PPP3CA: variants seen among roughly 807,000 people sequenced by gnomAD.
PPP3CA encodes protein phosphatase 3 catalytic subunit alpha, also known as CAM-PRP catalytic subunit.
In PPP3CA, 14 loss-of-function variants were observed where a neutral mutation model predicts 66.5. The observed-to-expected ratio is 0.21, with a 90% CI of 0.14 to 0.33. The LOEUF is 0.33. Ranked by LOEUF, PPP3CA falls within the 10% of genes least tolerant of loss-of-function variation. PPP3CA has a pLI of 1.00. For missense variants in PPP3CA, 317 were observed against 639.5 expected (o/e 0.50, Z 5.44); for synonymous variants, 232 against 226.2 (o/e 1.03, Z -0.23).
At chr4:101,174,576 G>C (rs530168019) in intron 2 of PPP3CA, among the ~76,000 whole-genome samples, 1 of 152,214 alleles carries the variant, frequency 6.6e-6, no homozygotes, top group South Asian at 2.1e-4. Context: ...ACAATATAAA[G>C]AATATGTGTG....
In PPP3CA at chr4:101,124,693, G is replaced by GAAAGAA. The variant is rs1553926638; in HGVS notation, c.260-15621_260-15616dup. Among the ~76,000 whole-genome samples the GAAAGAA allele has an allele frequency of 2.6e-4, 23 of 88,362 alleles. 1 individual carries two copies. Among genetic ancestry groups the GAAAGAA allele is most frequent in the African/African-American group, 8.9e-4 (18 of 20,238 alleles). 58.0% of individuals were successfully genotyped at this position (88,362 alleles called of 152,430 possible). ...AGAAAGAAAGAAAGAAAGAAAGAAA[G>GAAAGAA]AAAGAAAGAAAGAAAGAAAGAAAGA... On this transcript the variant is annotated intron_variant, in intron 2 of 13. Coordinates refer to ENST00000394854, the MANE Select transcript of PPP3CA (RefSeq NM_000944.5).
intron 9 of PPP3CA, among the ~76,000 whole-genome samples, chr4:101,062,104 A>C (rs1255346920): frequency 6.6e-6 from 1 of 152,018 alleles, no homozygotes; most frequent in African/African-American, 2.4e-5. Flanking sequence ...CCCAAATTTT[A>C]ATAATTAATA....
At chr4:101,219,447 A>T (rs879386663) in intron 1 of PPP3CA, among the ~76,000 whole-genome samples, 1 of 151,954 alleles carries the variant, frequency 6.6e-6, no homozygotes, top group Non-Finnish European at 1.5e-5. Context: ...GACAGAAGAG[A>T]ATTAATCTCT....
chr4:101,089,421 G>C (rs912070919), intron 6 of PPP3CA, among the ~76,000 whole-genome samples: 3 of 152,302 alleles, frequency 2.0e-5, no homozygotes, highest in African/African-American at 7.2e-5. Flanking sequence ...GCTGATTTGT[G>C]ATTAAGGGAC....
intron 1 of PPP3CA, among the ~76,000 whole-genome samples, chr4:101,204,870 T>C (rs995456690): frequency 6.6e-6 from 1 of 151,368 alleles, no homozygotes. Context: ...AATTGAAGAA[T>C]TGTTGTTTTA....
chr4:101,134,017 T>C (rs573463393), intron 2 of PPP3CA, among the ~76,000 whole-genome samples: 1 of 152,300 alleles, frequency 6.6e-6, no homozygotes, highest in East Asian at 1.9e-4. Context: ...ATTTAAATAA[T>C]GGTGTTGGGA....
chr4:101,193,000 T>C (rs1724658502), intron 2 of PPP3CA, among the ~76,000 whole-genome samples: 1 of 152,216 alleles, frequency 6.6e-6, no homozygotes, highest in East Asian at 1.9e-4. Context: ...GAAATACTCA[T>C]TTAGAAGATA....
intron 1 of PPP3CA, among the ~76,000 whole-genome samples, chr4:101,341,202 C>A (rs201479918): frequency 0.014 from 678 of 48,434 alleles, 4 homozygotes; most frequent in African/African-American, 0.075. Flanking sequence ...TTCTTTTTTT[C>A]TTTTTCTTTT....
At chr4:101,305,979 T>A (rs1459250883) in intron 1 of PPP3CA, among the ~76,000 whole-genome samples, 1 of 146,848 alleles carries the variant, frequency 6.8e-6, no homozygotes, top group Non-Finnish European at 1.5e-5. Flanking sequence ...AAGTAGGAGA[T>A]TTTTTTTTTT....
At chr4:101,275,338 T>C (rs1176550202) in intron 1 of PPP3CA, among the ~76,000 whole-genome samples, 3 of 152,236 alleles carry the variant, frequency 2.0e-5, no homozygotes, top group East Asian at 3.8e-4. Context: ...GGTAAGCACC[T>C]TTCCTATGTA....
chr4:101,089,840 C>T (rs1464344518), intron 6 of PPP3CA, among the ~76,000 whole-genome samples: 1 of 152,142 alleles, frequency 6.6e-6, no homozygotes, highest in Non-Finnish European at 1.5e-5. Context: ...TGGATTCTTT[C>T]CTCTCTGTCA....
chr4:101,102,822 A>G (rs1371886003), intron 3 of PPP3CA, among the ~76,000 whole-genome samples: 2 of 152,192 alleles, frequency 1.3e-5, no homozygotes, highest in Non-Finnish European at 2.9e-5. Context: ...CAGTGAATTA[A>G]TTGGTTAAGG....
intron 2 of PPP3CA, among the ~76,000 whole-genome samples, chr4:101,161,722 A>C (rs1723514983): frequency 6.6e-6 from 1 of 152,172 alleles, no homozygotes; most frequent in Non-Finnish European, 1.5e-5. Context: ...TAAAGTTGCA[A>C]ATTTCAGAAG....
chr4:101,169,272 C>A (rs1723792333), intron 2 of PPP3CA, among the ~76,000 whole-genome samples: 1 of 152,158 alleles, frequency 6.6e-6, no homozygotes, highest in Non-Finnish European at 1.5e-5. Context: ...AAGTGAAATT[C>A]ATCACTTTTA....
chr4:101,207,663 C>T (rs1725175551), intron 1 of PPP3CA, among the ~76,000 whole-genome samples: 1 of 152,028 alleles, frequency 6.6e-6, no homozygotes, highest in Non-Finnish European at 1.5e-5. Context: ...CCCGTCTCTA[C>T]CAAAAATACA....
In PPP3CA at chr4:101,083,406, G is replaced by C. The variant is rs1729525708; in HGVS notation, c.783-143C>G. The C allele has an allele frequency of 5.6e-6, 4 of 719,562 alleles. No individual in the cohort carries two copies. The South Asian group carries it at 8.2e-5, about 15-fold the overall frequency. The allele number at this position is 719,562 out of a possible 1,614,324, so 44.6% of individuals were successfully genotyped here. On this transcript the variant is annotated intron_variant, in intron 6 of 13. Coordinates refer to ENST00000394854, the MANE Select transcript of PPP3CA (RefSeq NM_000944.5). ...CATGAAACAAGCCTCTTGACTCTAA[G>C]GCCAAGTTTATCCTTGTGGCAGAAA...
chr4:101,032,405 T>G (rs368613934), intron 11 of PPP3CA, 41 bp from the exon 12 acceptor site: 8 of 1,525,978 alleles, frequency 5.2e-6, no homozygotes, highest in Non-Finnish European at 7.2e-6. Flanking sequence ...TTTTAATTTC[T>G]TTTGTGAAAA....
At chr4:101,239,203 C>G (rs1726222810) in intron 1 of PPP3CA, among the ~76,000 whole-genome samples, 1 of 152,140 alleles carries the variant, frequency 6.6e-6, no homozygotes, top group African/African-American at 2.4e-5. Context: ...AACATCTCAC[C>G]CTTCTCAGAA....
chr4:101,333,993 C>A (rs575344837), intron 1 of PPP3CA, among the ~76,000 whole-genome samples: 1 of 152,182 alleles, frequency 6.6e-6, no homozygotes, highest in Non-Finnish European at 1.5e-5. Flanking sequence ...CTGACACATA[C>A]GTGAGCAGGA....
Sources: gnomAD v4.1 joint callset for allele counts (sites outside exome capture counted in the v4.1 genomes callset) on GRCh38, gnomAD v4.1.1 for gene constraint, MANE v1.5 for transcripts, NCBI Gene and HGNC (gene_info 2026-07-23, HGNC 2026-07-21) for gene names.